Variants in MDH1B observed in about 807,000 individuals in gnomAD.
MDH1B encodes putative malate dehydrogenase 1B.
Under a neutral mutation model 61.4 loss-of-function variants are expected in MDH1B, and 60 were observed. The observed-to-expected ratio is 0.98, with a 90% CI of 0.79 to 1.21. MDH1B has a LOEUF of 1.21. Among genes scored for constraint, MDH1B ranks in the 50% most tolerant of loss-of-function variants. The pLI is 0.00. For missense variants in MDH1B, 587 were observed against 632.1 expected (o/e 0.93, Z 0.76); for synonymous variants, 236 against 218.7 (o/e 1.08, Z -0.70).
In MDH1B at chr2:206,755,328, G is replaced by A. The variant is rs1688697724; in HGVS notation, c.591C>T (p.Ile197=). Residue 197 remains isoleucine (I), a synonymous_variant, in exon 5 of 12, where the codon ATC becomes ATT. Transcript: ENST00000374412. The part of the protein sequence containing the change: ...LASPVLRSVS[I]CTKVEEAFRQ... ...GGAAGGCCTCCTCCACCTTCGTGCAGATGGAGACACTGCGCAGGACGGGAG... is the reference window on the plus strand; with the variant it reads ...GGAAGGCCTCCTCCACCTTCGTGCAAATGGAGACACTGCGCAGGACGGGAG... The A allele has an allele frequency of 2.5e-6, 4 of 1,614,084 alleles. No individual in the cohort carries two copies.
Position 206,757,282 on chromosome 2 carries a change from C to T in MDH1B, c.225G>A (p.Lys75=), listed in dbSNP as rs780659306. ...IWRELLDRGG[K]GLLLGGYNEF... ...CATTATATCCTCCCAAAAGCAAACC[C>T]TTTCCTCCACGATCCAACAGCTCTC... Residue 75 remains lysine (K), a synonymous_variant, in exon 3 of 12, where the codon AAG becomes AAA. Coordinates refer to ENST00000374412, the MANE Select transcript of MDH1B (RefSeq NM_001039845.3). 10 of 1,614,022 alleles carry T rather than the reference C, an allele frequency of 6.2e-6. No homozygotes were observed. The highest frequency in any genetic ancestry group is 7.6e-6 in the Non-Finnish European group (9 of 1,179,936).
intron 5 of MDH1B, among the ~76,000 whole-genome samples, chr2:206,753,920 T>C (rs549248756): frequency 6.6e-6 from 1 of 151,692 alleles, no homozygotes; most frequent in Admixed American, 6.6e-5. Flanking sequence ...TTCTTCTTGA[T>C]ACTTTTCAGT....
chr2:206,754,646 T>A (rs1469270191), intron 5 of MDH1B, among the ~76,000 whole-genome samples: 1 of 152,132 alleles, frequency 6.6e-6, no homozygotes, highest in South Asian at 2.1e-4. Flanking sequence ...ATCATACGGG[T>A]GGGAAGTAGG....
Position 206,737,846 on chromosome 2 carries a change from G to A in MDH1B, c.*637C>T, listed in dbSNP as rs1687574721. On this transcript the variant is annotated 3_prime_UTR_variant, in exon 12 of 12. Transcript: ENST00000374412. ...TTCAATCTAAGCTTTAAAAAAGTGT[G>A]ATTTATTGTACAGACCTTTATACAA... 1 of 152,144 alleles carries A rather than the reference G, an allele frequency of 6.6e-6. No individual in the cohort carries two copies. Among genetic ancestry groups the A allele is most frequent in the Non-Finnish European group, 1.5e-5 (1 of 68,026 alleles). The allele number at this position is 152,144 out of a possible 1,614,324, so 9.4% of individuals were successfully genotyped here.
chr2:206,738,233 A>G lies in MDH1B; in HGVS notation c.*250T>C. The G allele has an allele frequency of 2.9e-6, 1 of 341,336 alleles. No homozygotes were observed. The highest frequency in any genetic ancestry group is 2.1e-5 in the African/African-American group (1 of 47,132). The allele number at this position is 341,336 out of a possible 1,614,324, so 21.1% of individuals were successfully genotyped here. On this transcript the variant is annotated 3_prime_UTR_variant, in exon 12 of 12. Transcript: ENST00000374412. ...TCTATTTTAATGTAATATAAAAAATAGCATTTGACACCAAAATAGTTCTAA... is the reference window on the plus strand; with the variant it reads ...TCTATTTTAATGTAATATAAAAAATGGCATTTGACACCAAAATAGTTCTAA...
chr2:206,745,499 C>A, intron 9 of MDH1B, 123 bp downstream of exon 9: 1 of 750,988 alleles, frequency 1.3e-6, no homozygotes, highest in South Asian at 1.7e-5. Context: ...TTTATTTTGT[C>A]ATTAGTTTAG....
intron 2 of MDH1B, among the ~76,000 whole-genome samples, chr2:206,758,697 C>T (rs1688906036): frequency 6.6e-6 from 1 of 151,710 alleles, no homozygotes; most frequent in South Asian, 2.1e-4. Flanking sequence ...ACCTGGGAGG[C>T]GGAGGTTGCA....
chr2:206,739,493 G>A (rs1687685956), intron 11 of MDH1B, 100 bp downstream of exon 11: 1 of 1,057,678 alleles, frequency 9.5e-7, no homozygotes, highest in African/African-American at 1.6e-5. Flanking sequence ...AAGTGGGGAG[G>A]GTTTGACAAG....
chr2:206,742,913 C>CA (rs1333453415), intron 9 of MDH1B, among the ~76,000 whole-genome samples: 1 of 151,956 alleles, frequency 6.6e-6, no homozygotes, highest in Non-Finnish European at 1.5e-5. Context: ...GACAGGGTTT[C>CA]ACCATGTTAG....
intron 6 of MDH1B, 62 bp from the exon 7 acceptor site, chr2:206,749,245 TC>T: frequency 6.7e-7 from 1 of 1,485,516 alleles, no homozygotes. Flanking sequence ...AAAAGGATGT[TC>T]CCTGGCTCAG....
chr2:206,759,252 G>C (rs1054661630), intron 2 of MDH1B, among the ~76,000 whole-genome samples: 2 of 151,990 alleles, frequency 1.3e-5, no homozygotes, highest in Admixed American at 1.3e-4. Flanking sequence ...TTCTGTTCCT[G>C]TATTACTTTG....
At chr2:206,748,377 T>A (rs1234083025) in intron 7 of MDH1B, among the ~76,000 whole-genome samples, 1 of 152,218 alleles carries the variant, frequency 6.6e-6, no homozygotes, top group Non-Finnish European at 1.5e-5. Flanking sequence ...AGACTCCATC[T>A]CAAGCAAACA....
Position 206,746,386 on chromosome 2 carries a change from A to G in MDH1B, c.1257T>C (p.Pro419=), listed in dbSNP as rs756784137. Residue 419 remains proline, a synonymous_variant, in exon 8 of 12, where the codon CCT becomes CCC. Coordinates refer to ENST00000374412, the MANE Select transcript of MDH1B (RefSeq NM_001039845.3). ...CCCAAGTTCCATTCTCAAATTTCAC[A>G]GGCATAGAAAAGACGATCCCTTTCG... ...GIPKGIVFSM[P]VKFENGTWVV... is the part of the protein sequence containing the mutation. The G allele has an allele frequency of 6.2e-7, 1 of 1,613,964 alleles. No individual in the cohort carries two copies. Among genetic ancestry groups the G allele is most frequent in the Non-Finnish European group, 8.5e-7 (1 of 1,179,942 alleles).
chr2:206,746,312 G>A lies in MDH1B; in HGVS notation c.1331C>T (p.Thr444Ile). 6.2e-7 allele frequency: 1 copy of A among 1,613,484 alleles called. No homozygotes were observed. ...KDVEISEQIMTRMTSDLIQEK... is the reference protein window; with the variant it reads ...KDVEISEQIMIRMTSDLIQEK... ...CTGAATTAGATCACTTGTCATTCGG[G>A]TCATTATTTGTTCACTTATTTCAAC... Residue 444 changes from threonine (T) to isoleucine (I), a missense_variant, in exon 8 of 12, where the codon ACC becomes ATC. Transcript: ENST00000374412.
chr2:206,746,377 A>C lies in MDH1B; in HGVS notation c.1266T>G (p.Phe422Leu). The C allele has an allele frequency of 6.2e-7, 1 of 1,614,026 alleles. No individual in the cohort carries two copies. Among genetic ancestry groups the C allele is most frequent in the East Asian group, 2.2e-5 (1 of 44,842 alleles). ...KGIVFSMPVKFENGTWVVLTD... is the reference protein window; with the variant it reads ...KGIVFSMPVKLENGTWVVLTD... ...TAAGAACCACCCAAGTTCCATTCTC[A>C]AATTTCACAGGCATAGAAAAGACGA... Residue 422 changes from phenylalanine to leucine, a missense_variant, in exon 8 of 12, where the codon TTT becomes TTG. Physicochemically the swap from Phe to Leu is conservative, Grantham distance 22 (BLOSUM62 0). Transcript: ENST00000374412.
chr2:206,757,211 T>C lies in MDH1B; in HGVS notation c.270+26A>G, dbSNP rs771645746. On this transcript the variant is annotated intron_variant, in intron 3 of 11. Transcript: ENST00000374412. ...AATAATGTAAGAGAATTATCATTAT[T>C]AGAACAGATAAGTTAACTTATATAC... 4.4e-6 allele frequency: 7 copies of C among 1,592,714 alleles called. No homozygotes were observed. In the Admixed American group the frequency reaches 5.3e-5, roughly 12 times the overall value.
chr2:206,742,049 T>C (rs115734546), intron 9 of MDH1B, among the ~76,000 whole-genome samples: 2,322 of 152,260 alleles, frequency 0.015, 67 homozygotes, highest in African/African-American at 0.052. Flanking sequence ...CAAAGGAACA[T>C]AATGAAGCTG....
chr2:206,748,443 G>A (rs1688244286), intron 7 of MDH1B, among the ~76,000 whole-genome samples: 1 of 152,242 alleles, frequency 6.6e-6, no homozygotes, highest in South Asian at 2.1e-4. Flanking sequence ...CATTAGGGCT[G>A]TAAAAGTTTA....
At chr2:206,746,180 T>A in intron 8 of MDH1B, 107 bp downstream of exon 8, 1 of 973,420 alleles carries the variant, frequency 1.0e-6, no homozygotes, top group Non-Finnish European at 1.4e-6. Flanking sequence ...TTTTAAGAAT[T>A]AAAAAAAAAT....
Sources: allele counts gnomAD v4.1 joint callset (sites outside exome capture counted in the v4.1 genomes callset), GRCh38; gene constraint gnomAD v4.1.1; transcripts MANE v1.5; gene names NCBI Gene and HGNC (gene_info 2026-07-23, HGNC 2026-07-21).